MIPOL1: variants seen among roughly 807,000 people sequenced by gnomAD.
MIPOL1 encodes mirror-image polydactyly 1.
MIPOL1 carries 57 observed loss-of-function variants against 60.9 expected under a neutral mutation model. The ratio of observed to expected loss-of-function variants is 0.94; its 90% CI spans 0.76 to 1.17. The LOEUF (loss-of-function observed/expected upper bound fraction) is 1.17, where lower values mean the gene tolerates loss of function less well. MIPOL1 is among the 50% of genes most tolerant of loss of function. The probability of loss-of-function intolerance (pLI) is 0.00; values close to 1 mark genes in which losing one functional copy is unlikely to be tolerated. For synonymous variants in MIPOL1, 179 were observed against 168.8 expected (o/e 1.06, Z -0.47); for missense variants, 551 against 511.6 (o/e 1.08, Z -0.74).
At chr14:37,279,181 C>G (rs1356041270) in intron 6 of MIPOL1, among the ~76,000 whole-genome samples, 1 of 150,192 alleles carries the variant, frequency 6.7e-6, no homozygotes, top group Non-Finnish European at 1.5e-5. Context: ...GAAATTTATT[C>G]AAGTCAAAGA....
intron 12 of MIPOL1, among the ~76,000 whole-genome samples, chr14:37,539,943 C>T (rs138304870): frequency 6.6e-6 from 1 of 152,282 alleles, no homozygotes; most frequent in East Asian, 1.9e-4. Flanking sequence ...TTCCCCCTTC[C>T]TGTTCTCATG....
chr14:37,256,342 G>A (rs561751521), intron 3 of MIPOL1, among the ~76,000 whole-genome samples: 1 of 151,908 alleles, frequency 6.6e-6, no homozygotes, highest in South Asian at 2.1e-4. Flanking sequence ...AGTCCTTAAG[G>A]TTTCAGGCCT....
intron 1 of MIPOL1, among the ~76,000 whole-genome samples, chr14:37,236,676 G>A (rs1471769102): frequency 6.6e-6 from 1 of 151,964 alleles, no homozygotes; most frequent in African/African-American, 2.4e-5. Flanking sequence ...GACCTCAGGT[G>A]ATCTATCTGC....
intron 3 of MIPOL1, among the ~76,000 whole-genome samples, chr14:37,253,292 AT>A (rs747554898): frequency 4.0e-5 from 6 of 151,746 alleles, no homozygotes; most frequent in Non-Finnish European, 7.4e-5. Context: ...ACCTACTTGG[AT>A]TTGGGTACAA....
intron 11 of MIPOL1, among the ~76,000 whole-genome samples, chr14:37,473,833 C>T (rs1161280162): frequency 1.3e-5 from 2 of 151,198 alleles, no homozygotes; most frequent in African/African-American, 4.9e-5. Context: ...TTCATTATTA[C>T]AGTATCATAG....
chr14:37,302,375 T>A (rs2086370757), intron 7 of MIPOL1, among the ~76,000 whole-genome samples: 2 of 151,558 alleles, frequency 1.3e-5, no homozygotes, highest in African/African-American at 4.8e-5. Flanking sequence ...ATTGAGCATC[T>A]TTTTATATGT....
intron 11 of MIPOL1, among the ~76,000 whole-genome samples, chr14:37,494,739 T>G (rs552108442): frequency 1.3e-5 from 2 of 152,318 alleles, no homozygotes; most frequent in East Asian, 3.9e-4. Flanking sequence ...ATTTAGTGAG[T>G]TAACATATAG....
chr14:37,242,772 A>G (rs1238179814), intron 1 of MIPOL1, among the ~76,000 whole-genome samples: 1 of 152,216 alleles, frequency 6.6e-6, no homozygotes, highest in Non-Finnish European at 1.5e-5. Context: ...TTACTGAGAT[A>G]TATCAAAAAC....
intron 12 of MIPOL1, among the ~76,000 whole-genome samples, chr14:37,538,172 T>C (rs1439744148): frequency 6.6e-6 from 1 of 152,188 alleles, no homozygotes; most frequent in Non-Finnish European, 1.5e-5. Context: ...CTAGCTACAT[T>C]TCAGGAATTA....
intron 11 of MIPOL1, among the ~76,000 whole-genome samples, chr14:37,483,325 G>T (rs1306445941): frequency 6.6e-6 from 1 of 152,088 alleles, no homozygotes; most frequent in South Asian, 2.1e-4. Context: ...ACGTTGACCA[G>T]ACTGGTCTCA....
intron 10 of MIPOL1, among the ~76,000 whole-genome samples, chr14:37,395,781 C>G (rs890616789): frequency 6.6e-6 from 1 of 152,084 alleles, no homozygotes; most frequent in African/African-American, 2.4e-5. Context: ...CTGGCTAGGA[C>G]TTCCAGTACT....
rs1032993035 is a variant in MIPOL1 at position 37,267,119 on chromosome 14, C to T, written c.201C>T (p.Ile67=). 3.7e-6 allele frequency: 6 copies of T among 1,613,738 alleles called. No homozygotes were observed. The highest frequency in any genetic ancestry group is 1.7e-5 in the Admixed American group (1 of 59,984). The change falls in exon 4 of 13, where the codon ATC becomes ATT. Residue 67 remains isoleucine (I), a synonymous_variant. Transcript: ENST00000684589. ...PGQRSTNFQI[I]SSYPDDESVY... is the part of the protein sequence containing the mutation. ...AGAGATCAACGAATTTTCAGATCAT[C>T]AGTTCTTATCCAGATGATGAGTCTG... is the stretch of plus-strand genomic sequence containing the variant.
rs529025665 is a variant in MIPOL1 at position 37,329,685 on chromosome 14, T to C, written c.828+21166T>C. Among the ~76,000 whole-genome samples the C allele has an allele frequency of 1.3e-5, 2 of 152,262 alleles. 1 individual carries two copies. The highest frequency in any genetic ancestry group is 4.1e-4 in the South Asian group (2 of 4,828). On this transcript the variant is annotated intron_variant, in intron 9 of 12. Coordinates refer to ENST00000684589, the MANE Select transcript of MIPOL1 (RefSeq NM_001388067.1). ...GGAAGCACCTGTGATTCCAGGAGTATAATAACTGAAAAAGAGCTTAATAAA... is the reference window on the plus strand; with the variant it reads ...GGAAGCACCTGTGATTCCAGGAGTACAATAACTGAAAAAGAGCTTAATAAA...
chr14:37,502,873 G>A (rs946981467), intron 12 of MIPOL1: 6 of 152,122 alleles, frequency 3.9e-5, no homozygotes, highest in African/African-American at 1.4e-4. Context: ...TAAAAACCTT[G>A]AAAAAAGGTT....
intron 1 of MIPOL1, among the ~76,000 whole-genome samples, chr14:37,222,220 T>C (rs886435483): frequency 2.0e-5 from 3 of 150,574 alleles, no homozygotes; most frequent in African/African-American, 4.9e-5. Flanking sequence ...GCGAAAACAT[T>C]GCTTTTTTTT....
chr14:37,389,877 G>A (rs967880593), intron 10 of MIPOL1, among the ~76,000 whole-genome samples: 14 of 151,848 alleles, frequency 9.2e-5, no homozygotes, highest in Non-Finnish European at 2.1e-4. Flanking sequence ...CAAAAAGTCT[G>A]AAAAGCAGGA....
intron 6 of MIPOL1, among the ~76,000 whole-genome samples, chr14:37,272,734 T>A (rs2083383132): frequency 6.6e-6 from 1 of 151,618 alleles, no homozygotes; most frequent in Admixed American, 6.6e-5. Flanking sequence ...CTGCTCATTT[T>A]TATATTTGAA....
At chr14:37,524,570 CTT>C (rs1298582410) in intron 12 of MIPOL1, among the ~76,000 whole-genome samples, 2 of 121,810 alleles carry the variant, frequency 1.6e-5, no homozygotes, top group Non-Finnish European at 3.4e-5. Flanking sequence ...TTTTTCTTTT[CTT>C]TTTTTTTTTT....
intron 10 of MIPOL1, among the ~76,000 whole-genome samples, chr14:37,382,557 G>A (rs143707895): frequency 6.6e-5 from 10 of 151,942 alleles, no homozygotes; most frequent in South Asian, 2.1e-4. Flanking sequence ...GAGTATTGAC[G>A]TTTAGACATA....
Sources: allele counts gnomAD v4.1 joint callset (sites outside exome capture counted in the v4.1 genomes callset), GRCh38; gene constraint gnomAD v4.1.1; transcripts MANE v1.5; gene names NCBI Gene and HGNC (gene_info 2026-07-23, HGNC 2026-07-21).